RPH3A: variants seen among roughly 807,000 people sequenced by gnomAD.
The protein encoded by RPH3A is rabphilin-3A.
Under a neutral mutation model 102.2 loss-of-function variants are expected in RPH3A, and 48 were observed. The observed-to-expected ratio is 0.47, with a 90% CI of 0.37 to 0.60. The LOEUF is 0.60. RPH3A is among the 20% of genes least tolerant of loss of function. The pLI is 0.00. For missense variants in RPH3A, 781 were observed against 910.1 expected (o/e 0.86, Z 1.83); for synonymous variants, 310 against 324.3 (o/e 0.96, Z 0.47).
chr12:112,661,331 T>C (rs1276758857), intron 1 of RPH3A, among the ~76,000 whole-genome samples: 1 of 152,118 alleles, frequency 6.6e-6, no homozygotes, highest in African/African-American at 2.4e-5. Flanking sequence ...ACTACTCACT[T>C]GATAGATGGC....
chr12:112,602,041 A>C (rs2039562798), intron 1 of RPH3A, among the ~76,000 whole-genome samples: 1 of 152,218 alleles, frequency 6.6e-6, no homozygotes, highest in African/African-American at 2.4e-5. Flanking sequence ...CTGCAGAGGC[A>C]GAGGTGGGTA....
At chr12:112,825,320 C>T (rs1204019404) in intron 2 of RPH3A, among the ~76,000 whole-genome samples, 1 of 152,118 alleles carries the variant, frequency 6.6e-6, no homozygotes, top group Non-Finnish European at 1.5e-5. Context: ...ACGGGTCCAA[C>T]CAGCATTCCC....
intron 1 of RPH3A, among the ~76,000 whole-genome samples, chr12:112,581,483 C>T (rs1017406334): frequency 2.6e-5 from 4 of 152,030 alleles, no homozygotes; most frequent in Non-Finnish European, 2.9e-5. Context: ...TTAAGAGTCT[C>T]GACAAAATTA....
rs4141253 is a variant in RPH3A, at chr12:112,887,824, T to C, written c.1464T>C (p.Phe488=). ...TCTCCGTCTGTGATGAGGACAAATTTGGCCACAATGAATTTATTGGTGAGA... is the reference window on the plus strand; with the variant it reads ...TCTCCGTCTGTGATGAGGACAAATTCGGCCACAATGAATTTATTGGTGAGA... ...LRISVCDEDK[F]GHNEFIGETR... Residue 488 remains phenylalanine (F), a synonymous_variant, in exon 17 of 22, where the codon TTT becomes TTC. Transcript: ENST00000389385. The C allele has an allele frequency of 0.41, 659,162 of 1,612,940 alleles. 137,577 individuals carry two copies. Among genetic ancestry groups the C allele is most frequent in the East Asian group, 0.59 (26,514 of 44,830 alleles).
rs73431014 is a variant in RPH3A, at chr12:112,891,380, T to C, written c.1775+377T>C. On this transcript the variant is annotated intron_variant, in intron 19 of 21. Transcript: ENST00000389385. ...GGCCATCTGGCATTTTCCAGATTCA[T>C]TCTGGAAATGCTCAGAAAAAAAACA... Among the ~76,000 whole-genome samples the C allele has an allele frequency of 4.2e-3, 633 of 152,350 alleles. 4 individuals are homozygous for C. The highest frequency in any genetic ancestry group is 0.015 in the African/African-American group (623 of 41,592).
intron 1 of RPH3A, among the ~76,000 whole-genome samples, chr12:112,738,972 G>A (rs2040688368): frequency 6.6e-6 from 1 of 152,154 alleles, no homozygotes; most frequent in Non-Finnish European, 1.5e-5. Context: ...GTAGATGCAT[G>A]CACGAAGGAG....
chr12:112,777,237 A>G (rs570866264), intron 1 of RPH3A, among the ~76,000 whole-genome samples: 2 of 152,348 alleles, frequency 1.3e-5, no homozygotes, highest in East Asian at 3.9e-4. Context: ...GGAGGCACTC[A>G]GCAAATATTA....
chr12:112,597,386 C>T (rs1015003488), intron 1 of RPH3A, among the ~76,000 whole-genome samples: 2 of 152,006 alleles, frequency 1.3e-5, no homozygotes, highest in African/African-American at 4.8e-5. Context: ...AGTTTAAGAC[C>T]AGCCCGGGCA....
chr12:112,888,833 T>C (rs764987641), intron 17 of RPH3A, among the ~76,000 whole-genome samples: 20 of 152,204 alleles, frequency 1.3e-4, no homozygotes, highest in Admixed American at 1.3e-4. Context: ...GATTCTGTTT[T>C]AGTGGGGTAG....
chr12:112,781,437 C>T (rs899697156), intron 1 of RPH3A, among the ~76,000 whole-genome samples: 1 of 152,194 alleles, frequency 6.6e-6, no homozygotes, highest in African/African-American at 2.4e-5. Context: ...AGACTTGCAG[C>T]TGATCTCCTC....
intron 1 of RPH3A, among the ~76,000 whole-genome samples, chr12:112,751,025 A>T (rs1565869678): frequency 6.6e-6 from 1 of 152,220 alleles, no homozygotes; most frequent in Non-Finnish European, 1.5e-5. Context: ...AAAGGAAAAA[A>T]ACCTGAACGT....
intron 8 of RPH3A, chr12:112,869,053 T>C (rs1349938843): frequency 6.4e-6 from 1 of 155,534 alleles, no homozygotes; most frequent in Non-Finnish European, 1.4e-5. Flanking sequence ...TTACTGCTAC[T>C]AAATTGCTAC....
At chr12:112,784,171 C>T (rs975568596) in intron 1 of RPH3A, among the ~76,000 whole-genome samples, 4 of 152,154 alleles carry the variant, frequency 2.6e-5, no homozygotes, top group African/African-American at 4.8e-5. Flanking sequence ...GTAGAATCTT[C>T]CAGCAAATAT....
intron 4 of RPH3A, among the ~76,000 whole-genome samples, chr12:112,839,993 A>AAAAAG (rs544629943): frequency 6.6e-6 from 1 of 152,212 alleles, no homozygotes; most frequent in Non-Finnish European, 1.5e-5. Flanking sequence ...CATCTCAAAA[A>AAAAAG]AAAAGAAAAG....
intron 1 of RPH3A, among the ~76,000 whole-genome samples, chr12:112,724,024 ATACT>A (rs1313863733): frequency 6.6e-6 from 1 of 150,608 alleles, no homozygotes; most frequent in Non-Finnish European, 1.5e-5. Context: ...CAATTATGAC[ATACT>A]TAACTTTTTC....
chr12:112,816,087 A>C (rs752899381), intron 2 of RPH3A, among the ~76,000 whole-genome samples: 1 of 152,162 alleles, frequency 6.6e-6, no homozygotes, highest in African/African-American at 2.4e-5. Flanking sequence ...CGCCTCAGGA[A>C]GGTCAATCCT....
At chr12:112,693,058 T>C (rs1221440814) in intron 1 of RPH3A, among the ~76,000 whole-genome samples, 2 of 152,238 alleles carry the variant, frequency 1.3e-5, no homozygotes, top group Admixed American at 6.5e-5. Context: ...ATGAGTCTAA[T>C]GCAAGACTTC....
At chr12:112,851,729 C>G (rs1189201694) in intron 5 of RPH3A, among the ~76,000 whole-genome samples, 6 of 152,186 alleles carry the variant, frequency 3.9e-5, no homozygotes, top group African/African-American at 1.4e-4. Flanking sequence ...CAGCTCTGTT[C>G]TCTTCAGCTT....
intron 1 of RPH3A, chr12:112,650,905 G>A (rs1244803157): frequency 6.6e-6 from 1 of 151,816 alleles, no homozygotes; most frequent in East Asian, 1.9e-4. Context: ...ATTTTTTAAT[G>A]TTTTTGTAGA....
Sources: allele counts gnomAD v4.1 joint callset (sites outside exome capture counted in the v4.1 genomes callset), GRCh38; gene constraint gnomAD v4.1.1; transcripts MANE v1.5; gene names NCBI Gene and HGNC (gene_info 2026-07-23, HGNC 2026-07-21).